Variants in PTPRD observed in about 807,000 individuals in gnomAD.
PTPRD encodes protein tyrosine phosphatase receptor type D.
PTPRD carries 34 observed loss-of-function variants against 214.5 expected under a neutral mutation model. The observed-to-expected ratio is 0.16, with a 90% CI of 0.12 to 0.21. PTPRD has a LOEUF of 0.21. Ranked by LOEUF, PTPRD falls within the 10% of genes least tolerant of loss-of-function variation. PTPRD has a pLI of 1.00. For missense variants in PTPRD, 2,545 were observed against 2,398.7 expected (o/e 1.06, Z -1.27); for synonymous variants, 1,128 against 845.7 (o/e 1.33, Z -5.79).
At chr9:8,746,091 A>G (rs1184757516) in intron 11 of PTPRD, among the ~76,000 whole-genome samples, 1 of 149,838 alleles carries the variant, frequency 6.7e-6, no homozygotes, top group African/African-American at 2.5e-5. Context: ...ACCATGCCCA[A>G]TCGATTTTTT....
At chr9:10,523,602 T>TATATATATATATATATATATAC (rs2053168732) in intron 2 of PTPRD, among the ~76,000 whole-genome samples, 2 of 10,922 alleles carry the variant, frequency 1.8e-4, no homozygotes, top group Admixed American at 2.6e-3. Flanking sequence ...TATTTATCTG[T>TATATATATATATATATATATAC]ATATATATAT....
chr9:9,486,107 C>T (rs553129307), intron 8 of PTPRD, among the ~76,000 whole-genome samples: 91 of 132,910 alleles, frequency 6.8e-4, no homozygotes, highest in Non-Finnish European at 8.5e-4. Context: ...GTCGAGATCA[C>T]GCCACTGCAC....
chr9:9,770,872 C>T (rs1047295107), intron 5 of PTPRD, among the ~76,000 whole-genome samples: 49 of 152,138 alleles, frequency 3.2e-4, no homozygotes, highest in Admixed American at 1.0e-3. Context: ...GTTTTTGTTG[C>T]TGTTATTTTA....
At chr9:9,291,438 T>C (rs540213336) in intron 9 of PTPRD, among the ~76,000 whole-genome samples, 84 of 151,586 alleles carry the variant, frequency 5.5e-4, no homozygotes, top group Middle Eastern at 3.4e-3. Flanking sequence ...GTTCCTTGAA[T>C]AATTACTGCA....
intron 3 of PTPRD, among the ~76,000 whole-genome samples, chr9:10,196,880 T>G (rs929857855): frequency 4.6e-5 from 7 of 152,076 alleles, no homozygotes; most frequent in African/African-American, 1.7e-4. Context: ...AGTGTTTTTA[T>G]AAATGAAAAG....
At chr9:8,763,908 A>G (rs2094553257) in intron 11 of PTPRD, among the ~76,000 whole-genome samples, 1 of 152,224 alleles carries the variant, frequency 6.6e-6, no homozygotes, top group Admixed American at 6.5e-5. Context: ...TAAATATGGT[A>G]AATTCAAGAC....
intron 4 of PTPRD, among the ~76,000 whole-genome samples, chr9:10,015,834 T>G (rs890080474): frequency 1.3e-5 from 2 of 152,192 alleles, no homozygotes; most frequent in Non-Finnish European, 2.9e-5. Flanking sequence ...TTTTATAATG[T>G]AAGATACTAC....
chr9:8,717,712 G>T (rs1244921613), intron 12 of PTPRD, among the ~76,000 whole-genome samples: 1 of 152,060 alleles, frequency 6.6e-6, no homozygotes, highest in African/African-American at 2.4e-5. Flanking sequence ...GTTGGTGTGG[G>T]GCCTACATGT....
At chr9:8,691,794 C>G (rs2097808408) in intron 12 of PTPRD, among the ~76,000 whole-genome samples, 1 of 152,310 alleles carries the variant, frequency 6.6e-6, no homozygotes, top group Admixed American at 6.5e-5. Context: ...TCTAAACTAA[C>G]TTTATACCAA....
chr9:9,256,890 G>T (rs1003742035), intron 9 of PTPRD, among the ~76,000 whole-genome samples: 4 of 151,912 alleles, frequency 2.6e-5, no homozygotes, highest in Non-Finnish European at 2.9e-5. Context: ...CTCTCAGAGG[G>T]TCTTCTGTAT....
intron 2 of PTPRD, among the ~76,000 whole-genome samples, chr9:10,484,858 A>G (rs528874993): frequency 2.5e-4 from 38 of 151,898 alleles, no homozygotes; most frequent in African/African-American, 9.2e-4. Flanking sequence ...CAGAAGCTCT[A>G]CCTTGATGTG....
chr9:9,168,079 C>T (rs1271022895), intron 10 of PTPRD, among the ~76,000 whole-genome samples: 2 of 152,114 alleles, frequency 1.3e-5, no homozygotes, highest in Admixed American at 1.3e-4. Flanking sequence ...TAAATCTGGT[C>T]CACTGCCTCT....
intron 7 of PTPRD, among the ~76,000 whole-genome samples, chr9:9,723,581 T>A (rs565158249): frequency 1.3e-5 from 2 of 152,158 alleles, no homozygotes; most frequent in Non-Finnish European, 2.9e-5. Context: ...GGGATTCCGA[T>A]TGAGATTACA....
chr9:9,641,203 A>T (rs185279298), intron 7 of PTPRD, among the ~76,000 whole-genome samples: 1 of 152,228 alleles, frequency 6.6e-6, no homozygotes, highest in Non-Finnish European at 1.5e-5. Flanking sequence ...TTTTCATTTC[A>T]TCAAAATCAT....
chr9:8,553,098 T>C (rs1272452349), intron 14 of PTPRD, among the ~76,000 whole-genome samples: 1 of 152,182 alleles, frequency 6.6e-6, no homozygotes, highest in African/African-American at 2.4e-5. Context: ...TTAGAATGGC[T>C]GCTGGGTTAA....
intron 7 of PTPRD, among the ~76,000 whole-genome samples, chr9:9,586,375 A>C (rs934745527): frequency 6.6e-6 from 1 of 152,046 alleles, no homozygotes; most frequent in South Asian, 2.1e-4. Context: ...TATAATTGGC[A>C]TAATGGAAAT....
At chr9:8,631,809 G>A (rs1289916984) in intron 14 of PTPRD, among the ~76,000 whole-genome samples, 1 of 151,710 alleles carries the variant, frequency 6.6e-6, no homozygotes, top group African/African-American at 2.4e-5. Flanking sequence ...TTAGCAACTG[G>A]AAATTTCAAT....
intron 10 of PTPRD, among the ~76,000 whole-genome samples, chr9:9,066,797 G>A (rs944755000): frequency 4.6e-5 from 7 of 152,204 alleles, no homozygotes; most frequent in Non-Finnish European, 8.8e-5. Context: ...GGGCTTTCTC[G>A]CAGAACTTTG....
intron 2 of PTPRD, among the ~76,000 whole-genome samples, chr9:10,354,122 G>T (rs2097228421): frequency 6.6e-6 from 1 of 151,902 alleles, no homozygotes; most frequent in Non-Finnish European, 1.5e-5. Flanking sequence ...CATTTAATCG[G>T]TAATTGCAAT....
Sources: allele counts gnomAD v4.1 joint callset (sites outside exome capture counted in the v4.1 genomes callset), GRCh38; gene constraint gnomAD v4.1.1; transcripts MANE v1.5; gene names NCBI Gene and HGNC (gene_info 2026-07-23, HGNC 2026-07-21).